Variants in MTA3 observed in about 807,000 individuals in gnomAD.
The protein encoded by MTA3 is metastasis associated 1 family member 3.
A neutral mutation model predicts 83.5 loss-of-function variants in MTA3; 34 were observed. The ratio of observed to expected loss-of-function variants is 0.41; its 90% CI spans 0.31 to 0.54. The LOEUF (loss-of-function observed/expected upper bound fraction) is 0.54. Ranked by LOEUF, MTA3 falls within the 20% of genes least tolerant of loss-of-function variation. MTA3 has a pLI of 0.33. For missense variants in MTA3, 761 were observed against 726.4 expected, an observed-to-expected ratio of 1.05 and a Z score of -0.55; for synonymous variants, 303 against 252.7, an observed-to-expected ratio of 1.20 and a Z score of -1.89.
rs929877791 is a variant in MTA3, at chr2:42,756,480, G to A, written c.*3081G>A. 1.9e-5 allele frequency: 19 copies of A among 985,458 alleles called. No homozygotes were observed. The highest frequency in any genetic ancestry group is 6.1e-5 in the Admixed American group (1 of 16,270). 61.0% of individuals were successfully genotyped at this position (985,458 alleles called of 1,614,324 possible). On this transcript the variant is annotated 3_prime_UTR_variant, in exon 17 of 17. Transcript: ENST00000405094. ...TGAGGGCAAGCAGGTGGGGCTGTGC[G>A]TGGCCTCAGTGCACTCGGTGTCATG...
intron 16 of MTA3, among the ~76,000 whole-genome samples, chr2:42,734,867 C>T (rs4953614): frequency 0.51 from 78,059 of 152,002 alleles, 20,373 homozygotes; most frequent in East Asian, 0.69. Context: ...ACTTTAACTT[C>T]ATCCCCCGCT....
At chr2:42,725,678 C>A (rs1667759610) in intron 16 of MTA3, among the ~76,000 whole-genome samples, 1 of 152,186 alleles carries the variant, frequency 6.6e-6, no homozygotes, top group South Asian at 2.1e-4. Flanking sequence ...GCAGGCACCT[C>A]TCAGGAGGTG....
At chr2:42,659,987 A>C (rs1689522666) in intron 8 of MTA3, 125 bp downstream of exon 8, 2 of 516,632 alleles carry the variant, frequency 3.9e-6, no homozygotes, top group Non-Finnish European at 6.3e-6. Context: ...TGCTAGGTTG[A>C]TTTGGCTTGG....
chr2:42,530,653 C>T (rs1558417331), intron 2 of MTA3, among the ~76,000 whole-genome samples: 1 of 151,162 alleles, frequency 6.6e-6, no homozygotes, highest in Non-Finnish European at 1.5e-5. Context: ...GGCGTAGTGG[C>T]GCATGCCTAT....
intron 3 of MTA3, among the ~76,000 whole-genome samples, chr2:42,595,390 G>A (rs530407455): frequency 3.9e-5 from 6 of 152,126 alleles, no homozygotes; most frequent in Admixed American, 2.0e-4. Flanking sequence ...GATTACAGAC[G>A]TGAGCCACTG....
rs561376514 is a variant in MTA3 at position 42,670,910 on chromosome 2, T to TA, written c.702+11049dup. On this transcript the variant is annotated intron_variant, in intron 8 of 16. Coordinates refer to ENST00000405094, the MANE Select transcript of MTA3 (RefSeq NM_001330442.2). ...ATCGGACTCAGGAAATTAACCTTGTTACAGTACTGTTGTCTAATCTAGAGA... is the reference window on the plus strand; with the variant it reads ...ATCGGACTCAGGAAATTAACCTTGTTAACAGTACTGTTGTCTAATCTAGAGA... 9.2e-5 allele frequency among the ~76,000 whole-genome samples: 14 copies of TA among 152,258 alleles called. No individual in the cohort carries two copies. The East Asian group carries it at 2.5e-3, about 27-fold the overall frequency.
chr2:42,648,870 C>T (rs747188903), intron 6 of MTA3, among the ~76,000 whole-genome samples: 4 of 152,232 alleles, frequency 2.6e-5, no homozygotes, highest in South Asian at 2.1e-4. Flanking sequence ...GAAAATGACT[C>T]TAGGTTCACA....
At chr2:42,557,000 C>T (rs1402938684) in intron 2 of MTA3, among the ~76,000 whole-genome samples, 1 of 152,156 alleles carries the variant, frequency 6.6e-6, no homozygotes, top group Non-Finnish European at 1.5e-5. Context: ...CCTCCTTCTG[C>T]CTCCAGAATT....
At chr2:42,560,326 T>C (rs1028787099) in intron 2 of MTA3, among the ~76,000 whole-genome samples, 2 of 149,816 alleles carry the variant, frequency 1.3e-5, no homozygotes, top group African/African-American at 2.4e-5. Flanking sequence ...TTTTTAAAAC[T>C]GCGTCACTGG....
chr2:42,576,753 C>T (rs564841747), intron 2 of MTA3, among the ~76,000 whole-genome samples: 4 of 151,982 alleles, frequency 2.6e-5, no homozygotes, highest in South Asian at 2.1e-4. Flanking sequence ...CAAAATTAGC[C>T]GGGCATGGTG....
At chr2:42,553,596 A>G (rs1277038495) in intron 2 of MTA3, among the ~76,000 whole-genome samples, 1 of 149,918 alleles carries the variant, frequency 6.7e-6, no homozygotes, top group African/African-American at 2.5e-5. Context: ...TTAACCGAGT[A>G]TGGTGGCGCA....
At chr2:42,524,479 T>TTG (rs1675583003) in intron 2 of MTA3, among the ~76,000 whole-genome samples, 1 of 114,764 alleles carries the variant, frequency 8.7e-6, no homozygotes, top group African/African-American at 3.5e-5. Context: ...TGTGTTTTTT[T>TTG]TTTTTTTTTT....
chr2:42,587,497 TG>T (rs2103916639), intron 3 of MTA3, among the ~76,000 whole-genome samples: 2 of 152,320 alleles, frequency 1.3e-5, no homozygotes, highest in African/African-American at 4.8e-5. Context: ...CATACAAAAA[TG>T]TATACACACG....
chr2:42,568,643 G>C lies in MTA3; in HGVS notation c.-103G>C. ...CTCCCTTCCCCCCCGTGGCGAGGCA[G>C]CAGCGACGGCGGCGGCGGCAGCGGC... is the stretch of plus-strand genomic sequence containing the variant. On this transcript the variant is annotated 5_prime_UTR_variant, in exon 1 of 17. Transcript: ENST00000405094. The C allele has an allele frequency of 1.7e-6, 1 of 573,418 alleles. No homozygotes were observed. Among genetic ancestry groups the C allele is most frequent in the Non-Finnish European group, 2.3e-6 (1 of 441,380 alleles). 35.5% of individuals were successfully genotyped at this position (573,418 alleles called of 1,614,324 possible).
At chr2:42,639,004 G>A (rs989388968) in intron 4 of MTA3, among the ~76,000 whole-genome samples, 1 of 149,002 alleles carries the variant, frequency 6.7e-6, no homozygotes, top group African/African-American at 2.5e-5. Flanking sequence ...TTTTTTCTTT[G>A]AATTGTATTT....
chr2:42,690,775 A>G (rs1692813474), intron 9 of MTA3, among the ~76,000 whole-genome samples: 1 of 150,970 alleles, frequency 6.6e-6, no homozygotes, highest in Middle Eastern at 3.4e-3. Flanking sequence ...GCCAGGTTCA[A>G]GTGATACTTC....
At chr2:42,694,644 G>A (rs1378422403) in intron 9 of MTA3, among the ~76,000 whole-genome samples, 1 of 152,192 alleles carries the variant, frequency 6.6e-6, no homozygotes, top group East Asian at 1.9e-4. Flanking sequence ...TGGGAGAGGG[G>A]TGGCATCAGC....
intron 2 of MTA3, among the ~76,000 whole-genome samples, chr2:42,499,318 C>A (rs1459120485): frequency 2.0e-5 from 3 of 151,688 alleles, no homozygotes; most frequent in Non-Finnish European, 4.4e-5. Context: ...CAGGCATGCA[C>A]CATCACCCCG....
At chr2:42,545,104 G>T (rs529951411) in intron 2 of MTA3, among the ~76,000 whole-genome samples, 1 of 152,174 alleles carries the variant, frequency 6.6e-6, no homozygotes, top group African/African-American at 2.4e-5. Context: ...CCAACCAGGC[G>T]TGGTTGCTCA....
Sources: gnomAD v4.1 joint callset for allele counts (sites outside exome capture counted in the v4.1 genomes callset) on GRCh38, gnomAD v4.1.1 for gene constraint, MANE v1.5 for transcripts, NCBI Gene and HGNC (gene_info 2026-07-23, HGNC 2026-07-21) for gene names.